TBCK: variants seen among roughly 807,000 people sequenced by gnomAD.
TBCK encodes TBC domain-containing protein kinase-like protein.
A neutral mutation model predicts 113.4 loss-of-function variants in TBCK; 99 were observed. The observed-to-expected ratio is 0.87, with a 90% CI of 0.74 to 1.03. TBCK has a LOEUF of 1.03. TBCK is among the 50% of genes least tolerant of loss of function. The probability of loss-of-function intolerance (pLI) is 0.00; values close to 1 mark genes in which losing one functional copy is unlikely to be tolerated. For synonymous variants in TBCK, 369 were observed against 370.8 expected (o/e 1.00, Z 0.05); for missense variants, 1,045 against 1,061.3 (o/e 0.98, Z 0.21).
chr4:106,171,317 C>T, intron 22 of TBCK, 47 bp from the exon 23 acceptor site: 1 of 1,447,256 alleles, frequency 6.9e-7, no homozygotes, highest in Non-Finnish European at 9.5e-7. Context: ...ATTTAGATTG[C>T]TCTTTTAATG....
intron 23 of TBCK, among the ~76,000 whole-genome samples, chr4:106,126,978 G>A (rs1317681024): frequency 2.0e-5 from 3 of 152,156 alleles, no homozygotes; most frequent in Admixed American, 2.0e-4. Flanking sequence ...GGGAGGCCGA[G>A]GCGGGCAGAT....
At chr4:106,061,299 C>G (rs1003027482) in intron 25 of TBCK, among the ~76,000 whole-genome samples, 1 of 151,738 alleles carries the variant, frequency 6.6e-6, no homozygotes, top group Non-Finnish European at 1.5e-5. Context: ...GAAATTGCCA[C>G]AGCCACTTCA....
At chr4:106,161,117 TGGTGGTGATGGTTGC>T (rs1206858318) in intron 23 of TBCK, among the ~76,000 whole-genome samples, 1 of 151,982 alleles carries the variant, frequency 6.6e-6, no homozygotes, top group African/African-American at 2.4e-5. Context: ...TGGAGATAGA[TGGTGGTGATGGTTGC>T]ACAACATTAT....
chr4:106,067,607 C>G (rs878946038), intron 25 of TBCK, among the ~76,000 whole-genome samples: 2 of 152,092 alleles, frequency 1.3e-5, no homozygotes, highest in Admixed American at 1.3e-4. Flanking sequence ...ACATTTTCCT[C>G]TAAGAGTTTT....
intron 2 of TBCK, among the ~76,000 whole-genome samples, chr4:106,298,820 T>C (rs1190540658): frequency 6.6e-6 from 1 of 152,062 alleles, no homozygotes; most frequent in South Asian, 2.1e-4. Flanking sequence ...AAGAGAAGTG[T>C]CTAGTTAAGA....
chr4:106,233,495 T>G (rs1020080294), intron 16 of TBCK, 93 bp downstream of exon 16: 9 of 926,052 alleles, frequency 9.7e-6, no homozygotes, highest in Non-Finnish European at 1.6e-5. Context: ...GTCTCTGTAT[T>G]CATGAGAGAA....
chr4:106,214,721 G>C (rs1480800449), intron 19 of TBCK, among the ~76,000 whole-genome samples: 1 of 151,920 alleles, frequency 6.6e-6, no homozygotes, highest in East Asian at 1.9e-4. Flanking sequence ...TATGTGAAAA[G>C]ACCAAATCTA....
rs572936160 is a variant in TBCK, at chr4:106,140,464, T to TA, written c.2236-24087dup. Among the ~76,000 whole-genome samples, 466 of 139,448 alleles carry TA rather than the reference T, an allele frequency of 3.3e-3. 35 individuals are homozygous for TA. Among genetic ancestry groups the TA allele is most frequent in the African/African-American group, 0.01 (403 of 39,806 alleles). The allele number at this position is 139,448 out of a possible 152,430, so 91.5% of individuals were successfully genotyped here. The stretch of plus-strand genomic sequence containing the variant: ...ATTGAAATGGTAATAATGCTACAAA[T>TA]AAAAAAAACTACATATAATCAAGAA... On this transcript the variant is annotated intron_variant, in intron 23 of 25. Transcript: ENST00000394708.
At chr4:106,180,730 C>T (rs1579150085) in intron 22 of TBCK, among the ~76,000 whole-genome samples, 2 of 152,248 alleles carry the variant, frequency 1.3e-5, no homozygotes, top group Middle Eastern at 6.8e-3. Flanking sequence ...TTTATGGCTG[C>T]ATAGTATTCC....
intron 23 of TBCK, among the ~76,000 whole-genome samples, chr4:106,160,605 A>T (rs1203336319): frequency 1.3e-5 from 2 of 152,000 alleles, no homozygotes; most frequent in Non-Finnish European, 2.9e-5. Flanking sequence ...AAAAAAAATC[A>T]AAATAGAAAA....
chr4:106,049,234 G>A (rs929810605), intron 25 of TBCK, among the ~76,000 whole-genome samples: 25 of 152,154 alleles, frequency 1.6e-4, no homozygotes, highest in African/African-American at 5.8e-4. Flanking sequence ...CCAGTTTTTG[G>A]AGTGCTTAGA....
chr4:106,117,739 G>C (rs1743708109), intron 23 of TBCK, among the ~76,000 whole-genome samples: 1 of 152,182 alleles, frequency 6.6e-6, no homozygotes, highest in African/African-American at 2.4e-5. Flanking sequence ...GCTGGGCGCG[G>C]TGGCTCACAC....
At position 106,233,555 on chromosome 4, in the gene TBCK, A is replaced by G. The variant is rs751085379; in HGVS notation, c.1512+33T>C. On this transcript the variant is annotated intron_variant, in intron 16 of 25. Coordinates refer to ENST00000394708, the MANE Select transcript of TBCK (RefSeq NM_001163435.3). ...TAAAATTTAAATATTTGGCAGAATT[A>G]TCTTAGGTTGCTTAAGAAAACCTAA... 3 of 1,568,836 alleles carry G rather than the reference A, an allele frequency of 1.9e-6. No individual in the cohort carries two copies. The African/African-American group carries it at 4.1e-5, about 21-fold the overall frequency.
intron 2 of TBCK, among the ~76,000 whole-genome samples, chr4:106,303,737 T>C (rs1417928675): frequency 4.6e-5 from 7 of 152,116 alleles, no homozygotes; most frequent in Non-Finnish European, 7.4e-5. Flanking sequence ...TTCAAAAGAT[T>C]CCACAACTGA....
chr4:106,124,752 C>CA (rs1429923314), intron 23 of TBCK, among the ~76,000 whole-genome samples: 1 of 150,474 alleles, frequency 6.6e-6, no homozygotes, highest in Non-Finnish European at 1.5e-5. Context: ...ATCGCAAGAA[C>CA]AAAAAACCAA....
chr4:106,070,607 T>G (rs962884496), intron 25 of TBCK, among the ~76,000 whole-genome samples: 7 of 152,128 alleles, frequency 4.6e-5, no homozygotes, highest in Non-Finnish European at 7.4e-5. Context: ...ATTCTCTTTT[T>G]TGTGTGTGTG....
intron 1 of TBCK, among the ~76,000 whole-genome samples, chr4:106,313,324 G>A (rs1202181100): frequency 6.6e-6 from 1 of 151,836 alleles, no homozygotes; most frequent in East Asian, 1.9e-4. Context: ...GATCACGTGA[G>A]GTCAGGAGTT....
intron 23 of TBCK, among the ~76,000 whole-genome samples, chr4:106,127,478 A>T (rs970124495): frequency 8.5e-5 from 13 of 152,154 alleles, no homozygotes; most frequent in Non-Finnish European, 1.8e-4. Context: ...CTCATTTTTA[A>T]TCATATTATG....
intron 10 of TBCK, 44 bp from the exon 11 acceptor site, chr4:106,244,808 C>A (rs756082735): frequency 2.3e-6 from 3 of 1,295,582 alleles, no homozygotes; most frequent in South Asian, 3.1e-5. Context: ...ATATTTTCTA[C>A]TTTTATTAAA....
Sources: gnomAD v4.1 joint callset for allele counts (sites outside exome capture counted in the v4.1 genomes callset) on GRCh38, gnomAD v4.1.1 for gene constraint, MANE v1.5 for transcripts, NCBI Gene and HGNC (gene_info 2026-07-23, HGNC 2026-07-21) for gene names.